TRHDE: variants seen among roughly 807,000 people sequenced by gnomAD.
TRHDE encodes the protein thyrotropin-releasing hormone-degrading ectoenzyme.
TRHDE carries 72 observed loss-of-function variants against 125.7 expected under a neutral mutation model. The ratio of observed to expected loss-of-function variants is 0.57; its 90% CI spans 0.47 to 0.70. TRHDE has a LOEUF of 0.70. Ranked by LOEUF, TRHDE falls within the 30% of genes least tolerant of loss-of-function variation. The pLI is 0.00. For missense variants in TRHDE, 1,110 were observed against 1,327.1 expected (o/e 0.84, Z 2.54); for synonymous variants, 509 against 509.1 (o/e 1.00, Z 0.00).
At chr12:72,185,000 G>A (rs1039024410) in intron 2 of TRHDE, among the ~76,000 whole-genome samples, 1 of 152,210 alleles carries the variant, frequency 6.6e-6, no homozygotes. Context: ...GGCTGGCCAA[G>A]GCTGGAGCCC....
chr12:72,419,256 A>G (rs761995837), intron 3 of TRHDE, among the ~76,000 whole-genome samples: 2 of 152,214 alleles, frequency 1.3e-5, no homozygotes, highest in Non-Finnish European at 2.9e-5. Flanking sequence ...TTCTTGTTGA[A>G]GTTGCTAGAG....
chr12:72,524,894 C>A (rs531867918), intron 6 of TRHDE, among the ~76,000 whole-genome samples: 2 of 152,222 alleles, frequency 1.3e-5, no homozygotes, highest in African/African-American at 4.8e-5. Context: ...ACAGACAATC[C>A]TGGGCACACA....
intron 9 of TRHDE, among the ~76,000 whole-genome samples, chr12:72,567,313 G>GT (rs200237105): frequency 0.012 from 1,542 of 133,672 alleles, 12 homozygotes; most frequent in Non-Finnish European, 0.014. Flanking sequence ...CCTCCAAAAT[G>GT]TTTTTTTTTC....
intron 2 of TRHDE, among the ~76,000 whole-genome samples, chr12:72,153,364 T>G (rs1410142507): frequency 6.6e-6 from 1 of 152,210 alleles, no homozygotes; most frequent in African/African-American, 2.4e-5. Context: ...GATTCATGAT[T>G]TTTTGAAGGG....
At chr12:72,143,568 T>C (rs1876164390) in intron 2 of TRHDE, among the ~76,000 whole-genome samples, 1 of 152,060 alleles carries the variant, frequency 6.6e-6, no homozygotes, top group South Asian at 2.1e-4. Flanking sequence ...AGGATGTCTC[T>C]GGCATGCTGA....
intron 2 of TRHDE, among the ~76,000 whole-genome samples, chr12:72,183,058 G>A (rs1370878327): frequency 1.3e-5 from 2 of 152,178 alleles, no homozygotes; most frequent in East Asian, 3.8e-4. Context: ...CTATCCCCAT[G>A]AGGCTTGCCC....
chr12:72,296,591 T>C (rs1880309080), intron 2 of TRHDE, among the ~76,000 whole-genome samples: 1 of 151,010 alleles, frequency 6.6e-6, no homozygotes, highest in East Asian at 2.0e-4. Flanking sequence ...TCTGCAGCCA[T>C]GTGGGTGCCT....
At chr12:72,094,145 G>A (rs913992613) in intron 1 of TRHDE, among the ~76,000 whole-genome samples, 2 of 152,214 alleles carry the variant, frequency 1.3e-5, no homozygotes, top group East Asian at 3.9e-4. Flanking sequence ...GTCCTTGGGT[G>A]AACCAGACTG....
Position 72,556,742 on chromosome 12 carries a change from T to TG in TRHDE, c.1789-5422dup, listed in dbSNP as rs550871791. ...GCTGGAAAGCCAAAAAAATGACAAA[T>TG]GCACACTACAAATTTTTTTGAGGTA... On this transcript the variant is annotated intron_variant, in intron 7 of 18. Coordinates refer to ENST00000261180, the MANE Select transcript of TRHDE (RefSeq NM_013381.3). 2.2e-3 allele frequency among the ~76,000 whole-genome samples: 335 copies of TG among 152,298 alleles called. 2 individuals carry two copies. The highest frequency in any genetic ancestry group is 7.5e-3 in the African/African-American group (313 of 41,558).
At chr12:72,573,165 C>T (rs1231458508) in intron 10 of TRHDE, among the ~76,000 whole-genome samples, 1 of 151,822 alleles carries the variant, frequency 6.6e-6, no homozygotes, top group African/African-American at 2.4e-5. Context: ...AAAAAAGAAA[C>T]AACATTCTCA....
At chr12:72,386,176 T>C (rs1359493271) in intron 3 of TRHDE, among the ~76,000 whole-genome samples, 8 of 152,208 alleles carry the variant, frequency 5.3e-5, no homozygotes, top group Non-Finnish European at 1.2e-4. Context: ...TTGGGTTTAC[T>C]CCTAAGCATA....
intron 5 of TRHDE, among the ~76,000 whole-genome samples, chr12:72,497,032 C>T (rs1443676925): frequency 6.6e-6 from 1 of 152,056 alleles, no homozygotes; most frequent in Admixed American, 6.6e-5. Context: ...GTTCTCCTGC[C>T]AGGCTTTTTT....
intron 2 of TRHDE, among the ~76,000 whole-genome samples, chr12:72,196,727 C>T (rs1305920082): frequency 6.6e-6 from 1 of 152,064 alleles, no homozygotes; most frequent in Non-Finnish European, 1.5e-5. Flanking sequence ...TAACCCTCCA[C>T]TTGTGTGTGA....
intron 2 of TRHDE, among the ~76,000 whole-genome samples, chr12:72,224,150 GTATGTATGTATGTATGTATCTATCTATC>G (rs1565666721): frequency 0.013 from 1,145 of 86,200 alleles, 11 homozygotes; most frequent in Non-Finnish European, 0.019. Flanking sequence ...ATTTATCTAT[GTATGTATGTATGTATGTATCTATCTATC>G]TATCTATCTA....
chr12:72,189,245 A>T (rs1877289836), intron 2 of TRHDE, among the ~76,000 whole-genome samples: 1 of 152,228 alleles, frequency 6.6e-6, no homozygotes, highest in African/African-American at 2.4e-5. Flanking sequence ...ACTCAGGGGT[A>T]TACATCACTC....
At chr12:72,383,864 G>T (rs796611863) in intron 3 of TRHDE, among the ~76,000 whole-genome samples, 3 of 152,142 alleles carry the variant, frequency 2.0e-5, no homozygotes, top group African/African-American at 7.2e-5. Context: ...GGCTGAAATG[G>T]ATTCCAGAAA....
chr12:72,661,140 A>AT (rs1874901863), intron 18 of TRHDE, among the ~76,000 whole-genome samples: 1 of 152,162 alleles, frequency 6.6e-6, no homozygotes, highest in South Asian at 2.1e-4. Context: ...TAAGAAGTGA[A>AT]TCTCTAGAGA....
chr12:72,538,228 G>A (rs1195537982), intron 6 of TRHDE, among the ~76,000 whole-genome samples: 1 of 151,896 alleles, frequency 6.6e-6, no homozygotes, highest in East Asian at 1.9e-4. Context: ...ACACCCACAA[G>A]TCTATTTAAA....
intron 2 of TRHDE, chr12:72,186,600 A>G (rs774511628): frequency 9.4e-5 from 16 of 170,270 alleles, no homozygotes; most frequent in Admixed American, 1.9e-4. Flanking sequence ...CCAATTCCGG[A>G]CACAATTTCA....
Sources: gnomAD v4.1 joint callset for allele counts (sites outside exome capture counted in the v4.1 genomes callset) on GRCh38, gnomAD v4.1.1 for gene constraint, MANE v1.5 for transcripts, NCBI Gene and HGNC (gene_info 2026-07-23, HGNC 2026-07-21) for gene names.